The following LAMA3 variants were observed in gnomAD, a reference collection of about 807,000 sequenced individuals.
LAMA3 encodes the protein laminin subunit alpha 3.
LAMA3 carries 281 observed loss-of-function variants against 402.0 expected under a neutral mutation model. That is an observed-to-expected ratio of 0.70 (90% CI 0.63 to 0.77). LAMA3 has a LOEUF of 0.77. Among genes scored for constraint, LAMA3 ranks in the 30% least tolerant of loss-of-function variants. The pLI is 0.00. For synonymous variants in LAMA3, 1,431 were observed against 1,558.4 expected, an observed-to-expected ratio of 0.92 and a Z score of 1.93; for missense variants, 3,840 against 4,215.5, an observed-to-expected ratio of 0.91 and a Z score of 2.47.
At chr18:23,924,792 C>T (rs999138412) in intron 62 of LAMA3, among the ~76,000 whole-genome samples, 9 of 152,114 alleles carry the variant, frequency 5.9e-5, no homozygotes, top group African/African-American at 2.2e-4. Context: ...ATCCACCTGC[C>T]TCTGCCTCCC....
At chr18:23,731,772 G>T (rs2061398134) in intron 2 of LAMA3, among the ~76,000 whole-genome samples, 1 of 106,180 alleles carries the variant, frequency 9.4e-6, no homozygotes, top group Non-Finnish European at 2.4e-5. Context: ...TACTAGAGGA[G>T]GGAGGGAGGG....
At chr18:23,782,866 T>C (rs1368363699) in intron 11 of LAMA3, among the ~76,000 whole-genome samples, 1 of 152,124 alleles carries the variant, frequency 6.6e-6, no homozygotes, top group African/African-American at 2.4e-5. Context: ...TCATTATTAT[T>C]TTTGAGCAAT....
chr18:23,714,329 G>C (rs1029512793), intron 2 of LAMA3, among the ~76,000 whole-genome samples: 1 of 152,116 alleles, frequency 6.6e-6, no homozygotes, highest in African/African-American at 2.4e-5. Context: ...AGACCAGCCT[G>C]ATCAACATGG....
chr18:23,950,573 G>A lies in LAMA3; in HGVS notation c.9642+414G>A, dbSNP rs185101245. ...TCATTTTTCCATCACTCACAGGCCT[G>A]AGTCAACATCTTATTTTCCACCACC... On this transcript the variant is annotated intron_variant, in intron 72 of 74. Transcript: ENST00000313654. Among the ~76,000 whole-genome samples the A allele has an allele frequency of 3.3e-5, 5 of 152,196 alleles. No homozygotes were observed. In the East Asian group the frequency reaches 9.6e-4, roughly 29 times the overall value.
chr18:23,772,793 T>C (rs1019133316), intron 8 of LAMA3, among the ~76,000 whole-genome samples: 1 of 152,254 alleles, frequency 6.6e-6, no homozygotes, highest in Non-Finnish European at 1.5e-5. Flanking sequence ...ATTGTCCTCC[T>C]AATTATTCCC....
Position 23,931,071 on chromosome 18 carries a change from C to T in LAMA3, c.8446C>T (p.Leu2816=), listed in dbSNP as rs1307599817. 3.1e-6 allele frequency: 5 copies of T among 1,613,676 alleles called. No individual in the cohort carries two copies. In the African/African-American group the frequency reaches 4.0e-5, roughly 13 times the overall value. Residue 2816 remains leucine, a synonymous_variant, in exon 65 of 75, where the codon CTG becomes TTG. Transcript: ENST00000313654. ...LLDHQTWTRN[L]QVTLEDGYIE... ...TCTATGGTGATTTCAGACAAGGAAC[C>T]TGCAGGTCACTCTGGAAGATGGTTA...
At chr18:23,867,981 A>C in intron 37 of LAMA3, 64 bp downstream of exon 37, 1 of 1,260,712 alleles carries the variant, frequency 7.9e-7, no homozygotes, top group Non-Finnish European at 1.2e-6. Context: ...TCAGACAATC[A>C]TGATTTTTAC....
At chr18:23,807,963 A>G (rs2062995391) in intron 12 of LAMA3, among the ~76,000 whole-genome samples, 1 of 152,196 alleles carries the variant, frequency 6.6e-6, no homozygotes, top group Non-Finnish European at 1.5e-5. Flanking sequence ...CCATGAGAGA[A>G]GACAGGTGGA....
chr18:23,827,177 C>T, intron 22 of LAMA3, 137 bp from the exon 23 acceptor site: 1 of 973,638 alleles, frequency 1.0e-6, no homozygotes, highest in South Asian at 1.3e-5. Flanking sequence ...GTAGCAGACA[C>T]TTAATAAGAG....
At chr18:23,733,383 A>G (rs1476509849) in intron 2 of LAMA3, among the ~76,000 whole-genome samples, 2 of 152,224 alleles carry the variant, frequency 1.3e-5, no homozygotes, top group Non-Finnish European at 2.9e-5. Context: ...ATCATGGCAG[A>G]AGGCGAAAAG....
At position 23,933,856 on chromosome 18, in the gene LAMA3, G is replaced by A; in HGVS notation, c.8783G>A (p.Ser2928Asn). The change falls in exon 67 of 75, where the codon AGT (serine) becomes AAT (asparagine). Residue 2928 changes from serine (S) to asparagine (N), a missense_variant. Coordinates refer to ENST00000313654, the MANE Select transcript of LAMA3 (RefSeq NM_198129.4). The stretch of plus-strand genomic sequence containing the variant: ...AGAGATGTGTCCCTGGGAGGCTGCA[G>A]TTTAAACAAACCACCTTTTCTAATG... Reference protein sequence around the residue: ...LKRDVSLGGCSLNKPPFLMLL... With the variant: ...LKRDVSLGGCNLNKPPFLMLL... The A allele has an allele frequency of 1.2e-6, 2 of 1,614,118 alleles. No individual in the cohort carries two copies. The highest frequency in any genetic ancestry group is 1.7e-6 in the Non-Finnish European group (2 of 1,179,956).
At chr18:23,766,356 G>C (rs1331085417) in intron 8 of LAMA3, among the ~76,000 whole-genome samples, 1 of 151,972 alleles carries the variant, frequency 6.6e-6, no homozygotes, top group Non-Finnish European at 1.5e-5. Context: ...AAGAATAAAA[G>C]CAAAAAGAAA....
chr18:23,804,518 A>G (rs181615920), intron 12 of LAMA3, among the ~76,000 whole-genome samples: 4 of 152,338 alleles, frequency 2.6e-5, no homozygotes, highest in East Asian at 3.9e-4. Flanking sequence ...ACTAGCTCCA[A>G]TTAGCATAAT....
chr18:23,821,099 A>G (rs1051187869), intron 19 of LAMA3, among the ~76,000 whole-genome samples: 7 of 152,224 alleles, frequency 4.6e-5, no homozygotes, highest in Non-Finnish European at 1.0e-4. Context: ...ACCCAATCAA[A>G]GGGTATACCT....
At chr18:23,800,519 C>G (rs2144182373) in intron 12 of LAMA3, among the ~76,000 whole-genome samples, 1 of 152,256 alleles carries the variant, frequency 6.6e-6, no homozygotes, top group African/African-American at 2.4e-5. Context: ...CTCGAACATT[C>G]ATTTCTTTGT....
In LAMA3 at chr18:23,857,445, T is replaced by C. The variant is rs138593885; in HGVS notation, c.4137-399T>C. On this transcript the variant is annotated intron_variant, in intron 32 of 74. Coordinates refer to ENST00000313654, the MANE Select transcript of LAMA3 (RefSeq NM_198129.4). ...ACCCTATGACTCTGCCCTTTAAAGC[T>C]CAGGTCAGGAGTCATTTCCCCCAGG... Among the ~76,000 whole-genome samples the C allele has an allele frequency of 7.2e-5, 11 of 152,332 alleles. No individual in the cohort carries two copies. In the South Asian group the frequency reaches 1.2e-3, roughly 17 times the overall value.
intron 2 of LAMA3, among the ~76,000 whole-genome samples, chr18:23,729,963 G>A (rs958373358): frequency 8.5e-5 from 13 of 152,166 alleles, no homozygotes; most frequent in African/African-American, 2.9e-4. Flanking sequence ...TGTCCCTCTC[G>A]CAGGATGCTG....
intron 2 of LAMA3, among the ~76,000 whole-genome samples, chr18:23,747,083 G>T (rs2143512543): frequency 6.6e-6 from 1 of 152,184 alleles, no homozygotes; most frequent in Middle Eastern, 3.4e-3. Context: ...CTGTTGCCTG[G>T]GGGTCAGGGA....
chr18:23,912,711 G>A lies in LAMA3; in HGVS notation c.7159G>A (p.Val2387Ile), dbSNP rs899140089. 1 of 1,613,858 alleles carries A rather than the reference G, an allele frequency of 6.2e-7. No individual in the cohort carries two copies. ...ACACCATGTAACTTACTCCTCACAG[G>A]TTGCTGTCCCCATGAGGTTCAATGG... ...IQQARDAASKVAVPMRFNGKS... is the reference protein window; with the variant it reads ...IQQARDAASKIAVPMRFNGKS... The change falls in exon 56 of 75, where the codon GTT becomes ATT. Residue 2387 changes from valine to isoleucine, a missense_variant and splice_region_variant. Coordinates refer to ENST00000313654, the MANE Select transcript of LAMA3 (RefSeq NM_198129.4).
Sources: gnomAD v4.1 joint callset for allele counts (sites outside exome capture counted in the v4.1 genomes callset) on GRCh38, gnomAD v4.1.1 for gene constraint, MANE v1.5 for transcripts, NCBI Gene and HGNC (gene_info 2026-07-23, HGNC 2026-07-21) for gene names.